B4GALNT3: variants seen among roughly 807,000 people sequenced by gnomAD.
B4GALNT3 encodes the protein beta-1,4-N-acetyl-galactosaminyltransferase 3.
A neutral mutation model predicts 120.2 loss-of-function variants in B4GALNT3; 86 were observed. The ratio of observed to expected loss-of-function variants is 0.72; its 90% CI spans 0.60 to 0.86. B4GALNT3 has a LOEUF of 0.86. B4GALNT3 is among the 40% of genes least tolerant of loss of function. The probability of loss-of-function intolerance (pLI) is 0.00; values close to 1 mark genes in which losing one functional copy is unlikely to be tolerated. For missense variants in B4GALNT3, 1,167 were observed against 1,298.9 expected (o/e 0.90, Z 1.56); for synonymous variants, 518 against 510.4 (o/e 1.01, Z -0.20).
chr12:525,400 C>T (rs755232965), intron 1 of B4GALNT3, among the ~76,000 whole-genome samples: 1 of 152,210 alleles, frequency 6.6e-6, no homozygotes, highest in Non-Finnish European at 1.5e-5. Flanking sequence ...TGAGCCACTG[C>T]GCTCGGCCAA....
At position 460,976 on chromosome 12, in the gene B4GALNT3, G is replaced by T. The variant is rs927510237; in HGVS notation, c.169+431G>T. 1.3e-5 allele frequency among the ~76,000 whole-genome samples: 2 copies of T among 152,154 alleles called. No individual in the cohort carries two copies. Among genetic ancestry groups the T allele is most frequent in the Admixed American group, 6.5e-5 (1 of 15,292 alleles). On this transcript the variant is annotated intron_variant, in intron 1 of 19. Transcript: ENST00000266383. This position sits in a 1 kb window ranked among gnomAD's most constrained non-coding sequence, Gnocchi z 8.0. ...TGCCCTCGGCCGTCCACACCCAGGC[G>T]CGCGCTCCAGTCCGCGCAGCCCAAA...
Position 552,946 on chromosome 12 carries a change from T to C in B4GALNT3, c.1271-248T>C, listed in dbSNP as rs533211255. ...TGCACCTGCCGGGCATGTGATGCCGTTTATCTCACTCAGTCTTCACAAACC... is the reference window on the plus strand; with the variant it reads ...TGCACCTGCCGGGCATGTGATGCCGCTTATCTCACTCAGTCTTCACAAACC... On this transcript the variant is annotated intron_variant, in intron 13 of 19. Coordinates refer to ENST00000266383, the MANE Select transcript of B4GALNT3 (RefSeq NM_173593.4). 1.4e-4 allele frequency: 76 copies of C among 557,276 alleles called. 1 individual carries two copies. In the South Asian group the frequency reaches 1.7e-3, roughly 12 times the overall value. The allele number at this position is 557,276 out of a possible 1,614,324, so 34.5% of individuals were successfully genotyped here.
At chr12:556,941 C>T (rs1460457170) in intron 15 of B4GALNT3, 75 bp downstream of exon 15, 9 of 1,451,956 alleles carry the variant, frequency 6.2e-6, no homozygotes, top group Non-Finnish European at 7.4e-6. Flanking sequence ...CATCTGCTTG[C>T]ACTGATTTGA....
chr12:554,004 G>A, intron 14 of B4GALNT3, 21 bp downstream of exon 14: 1 of 1,567,486 alleles, frequency 6.4e-7, no homozygotes, highest in Non-Finnish European at 8.7e-7. Flanking sequence ...GGGCTCTCCT[G>A]GGGCCAGGGA....
intron 1 of B4GALNT3, among the ~76,000 whole-genome samples, chr12:511,627 A>G (rs1458811760): frequency 5.0e-5 from 2 of 39,692 alleles, no homozygotes; most frequent in East Asian, 9.8e-4. Context: ...TCCACCTTCG[A>G]CCTTCCACCT....
intron 1 of B4GALNT3, among the ~76,000 whole-genome samples, chr12:524,649 A>G (rs537968281): frequency 1.4e-5 from 2 of 147,044 alleles, no homozygotes; most frequent in South Asian, 4.4e-4. Context: ...TAAAAAAAAA[A>G]AAAAAGAAAA....
At chr12:502,412 AATATT>A (rs1946453513) in intron 1 of B4GALNT3, among the ~76,000 whole-genome samples, 1 of 152,100 alleles carries the variant, frequency 6.6e-6, no homozygotes, top group Admixed American at 6.5e-5. Context: ...TTGAAGGTAA[AATATT>A]ATATCACAGC....
chr12:557,634 CA>C lies in B4GALNT3; in HGVS notation c.2409del (p.Gln803HisfsTer36). The C allele has an allele frequency of 1.9e-6, 3 of 1,611,506 alleles. No individual in the cohort carries two copies. The highest frequency in any genetic ancestry group is 2.5e-6 in the Non-Finnish European group (3 of 1,179,222). ...GAAGAACCAGGCACGCTGGGTACAG[CA>C]ATTCATCAAAGACATGGAAAACCTG... ...PVKNQARWVQ[Q>X]FIKDMENLFQ... On this transcript the variant is annotated frameshift_variant, in exon 16 of 20. Transcript: ENST00000266383. LOFTEE classifies it high-confidence loss of function.
Position 460,594 on chromosome 12 carries a change from G to A in B4GALNT3, c.169+49G>A. The A allele has an allele frequency of 7.6e-7, 1 of 1,312,020 alleles. No homozygotes were observed. The highest frequency in any genetic ancestry group is 9.8e-7 in the Non-Finnish European group (1 of 1,020,434). The allele number at this position is 1,312,020 out of a possible 1,614,324, so 81.3% of individuals were successfully genotyped here. The stretch of plus-strand genomic sequence containing the variant: ...AAGGGCGCGGGGGTGGGCGGCGGCG[G>A]CGGCTCCTGCGTTGGGGGGACCCGC... On this transcript the variant is annotated intron_variant, in intron 1 of 19. Coordinates refer to ENST00000266383, the MANE Select transcript of B4GALNT3 (RefSeq NM_173593.4). This position sits in a 1 kb window ranked among gnomAD's most constrained non-coding sequence, Gnocchi z 8.0.
Position 480,924 on chromosome 12 carries a change from C to G in B4GALNT3, c.169+20379C>G, listed in dbSNP as rs578253585. On this transcript the variant is annotated intron_variant, in intron 1 of 19. Transcript: ENST00000266383. ...TGCAGGCCAAGGACTGGACCAGTCC[C>G]TCTCAGCCTTGCCTCTATCTCTCCC... is the stretch of plus-strand genomic sequence containing the variant. Among the ~76,000 whole-genome samples, 11 of 152,330 alleles carry G rather than the reference C, an allele frequency of 7.2e-5. 1 individual carries two copies. In the South Asian group the frequency reaches 2.3e-3, roughly 32 times the overall value.
chr12:515,235 G>T (rs553594406), intron 1 of B4GALNT3, among the ~76,000 whole-genome samples: 2 of 152,212 alleles, frequency 1.3e-5, no homozygotes, highest in South Asian at 2.1e-4. Context: ...TGCCAGGCTG[G>T]AGTGCAGTGG....
intron 1 of B4GALNT3, among the ~76,000 whole-genome samples, chr12:495,310 GTTTC>G (rs959295783): frequency 1.7e-4 from 26 of 152,142 alleles, no homozygotes; most frequent in African/African-American, 6.0e-4. Context: ...CTGGGGAGGG[GTTTC>G]CAGTTGCTCT....
rs113422083 is a variant in B4GALNT3 at position 491,899 on chromosome 12, C to CA, written c.169+31363dup. Among the ~76,000 whole-genome samples the CA allele has an allele frequency of 1.9e-3, 289 of 150,400 alleles. 2 individuals carry two copies. The highest frequency in any genetic ancestry group is 6.2e-3 in the African/African-American group (254 of 41,100). The stretch of plus-strand genomic sequence containing the variant: ...TGAAACCTCGTCTCTACTAAAAATA[C>CA]AAAAAAAAATTAGCCAGGTGTGGTG... On this transcript the variant is annotated intron_variant, in intron 1 of 19. Transcript: ENST00000266383.
chr12:507,463 C>T (rs1355976184), intron 1 of B4GALNT3, among the ~76,000 whole-genome samples: 1 of 152,158 alleles, frequency 6.6e-6, no homozygotes, highest in Non-Finnish European at 1.5e-5. Flanking sequence ...CTTCCACTGT[C>T]TTGGAATTTG....
chr12:498,081 G>T (rs1037145020), intron 1 of B4GALNT3, among the ~76,000 whole-genome samples: 2 of 151,742 alleles, frequency 1.3e-5, no homozygotes, highest in Non-Finnish European at 2.9e-5. Context: ...ATACACACAC[G>T]CCCCTTCACT....
intron 18 of B4GALNT3, 43 bp downstream of exon 18, chr12:558,704 A>G: frequency 6.3e-7 from 1 of 1,599,386 alleles, no homozygotes; most frequent in Non-Finnish European, 8.5e-7. Flanking sequence ...GACTTCTCTG[A>G]TCTTGGCTCT....
intron 1 of B4GALNT3, among the ~76,000 whole-genome samples, chr12:531,477 C>T (rs768755668): frequency 4.1e-4 from 62 of 152,068 alleles, no homozygotes; most frequent in Non-Finnish European, 7.4e-4. Flanking sequence ...AGAAAGACCC[C>T]ATCTCTAAAA....
At chr12:490,293 TAATAAGACCAA>T (rs1946328513) in intron 1 of B4GALNT3, among the ~76,000 whole-genome samples, 1 of 152,038 alleles carries the variant, frequency 6.6e-6, no homozygotes, top group Admixed American at 6.6e-5. Context: ...TACAGAAAGT[TAATAAGACCAA>T]AAGCTGTTTC....
chr12:558,090 T>C lies in B4GALNT3; in HGVS notation c.2607+2T>C. On this transcript the variant is annotated splice_donor_variant, in intron 17 of 19. Coordinates refer to ENST00000266383, the MANE Select transcript of B4GALNT3 (RefSeq NM_173593.4). LOFTEE classifies it high-confidence loss of function. ...CAGGCTGGCATAGACCTCGTGAAGG[T>C]AAAGGGCCTGGATGGGGCCTGCGAG... 1.2e-6 allele frequency: 2 copies of C among 1,613,526 alleles called. No individual in the cohort carries two copies. The highest frequency in any genetic ancestry group is 2.2e-5 in the South Asian group (2 of 91,070).
Sources: allele counts gnomAD v4.1 joint callset (sites outside exome capture counted in the v4.1 genomes callset), GRCh38; gene constraint gnomAD v4.1.1; non-coding constraint Gnocchi (gnomAD v3.1); transcripts MANE v1.5; gene names NCBI Gene and HGNC (gene_info 2026-07-23, HGNC 2026-07-21).